The following NAALADL2 variants were observed in gnomAD, a reference collection of about 807,000 sequenced individuals.
NAALADL2 encodes the protein N-acetylated alpha-linked acidic dipeptidase like 2.
NAALADL2 carries 76 observed loss-of-function variants against 87.2 expected under a neutral mutation model. The observed-to-expected ratio is 0.87, with a 90% CI of 0.72 to 1.05. The LOEUF (loss-of-function observed/expected upper bound fraction) is 1.05. Among genes scored for constraint, NAALADL2 ranks in the 50% least tolerant of loss-of-function variants. NAALADL2 has a pLI of 0.00. For missense variants in NAALADL2, 1,089 were observed against 945.8 expected (o/e 1.15, Z -1.99); for synonymous variants, 354 against 331.0 (o/e 1.07, Z -0.75).
intron 2 of NAALADL2, among the ~76,000 whole-genome samples, chr3:174,600,092 A>C (rs190220789): frequency 3.3e-3 from 500 of 152,216 alleles, no homozygotes; most frequent in African/African-American, 0.012. Context: ...TTCAAAAAAA[A>C]CTAATCCTTT....
intron 2 of NAALADL2, among the ~76,000 whole-genome samples, chr3:174,687,534 C>A (rs1728162026): frequency 6.6e-6 from 1 of 151,980 alleles, no homozygotes; most frequent in African/African-American, 2.4e-5. Flanking sequence ...ATTAGCTAGC[C>A]AAACACAGTG....
At chr3:174,645,963 T>C (rs931885173) in intron 2 of NAALADL2, among the ~76,000 whole-genome samples, 2 of 152,202 alleles carry the variant, frequency 1.3e-5, no homozygotes, top group Non-Finnish European at 2.9e-5. Flanking sequence ...AGACAGTGGA[T>C]GACAGGTAAC....
At chr3:174,855,887 AAT>A (rs147567612), upstream of NAALADL2, among the ~76,000 whole-genome samples, 12,859 of 140,094 alleles carry the variant, frequency 0.092, 735 homozygotes, top group Middle Eastern at 0.12. Context: ...CATACATATG[AAT>A]ATATATACAC....
At chr3:174,492,303 G>A (rs1718251767) in intron 1 of NAALADL2, among the ~76,000 whole-genome samples, 1 of 151,694 alleles carries the variant, frequency 6.6e-6, no homozygotes, top group Admixed American at 6.6e-5. Context: ...AAAACAAATT[G>A]ATTAGTTCAG....
chr3:174,527,260 C>T (rs1199273916), intron 1 of NAALADL2, among the ~76,000 whole-genome samples: 1 of 152,036 alleles, frequency 6.6e-6, no homozygotes, highest in African/African-American at 2.4e-5. Flanking sequence ...GTGGGTCAGG[C>T]CTGCAATCCC....
intron 3 of NAALADL2, among the ~76,000 whole-genome samples, chr3:174,796,235 A>G (rs1718067629): frequency 6.6e-6 from 1 of 152,232 alleles, no homozygotes; most frequent in African/African-American, 2.4e-5. Context: ...ATATTTAAGA[A>G]AATAACTCTA....
At chr3:175,396,775 G>A (rs927750779) in intron 5 of NAALADL2, among the ~76,000 whole-genome samples, 1 of 152,068 alleles carries the variant, frequency 6.6e-6, no homozygotes, top group African/African-American at 2.4e-5. Flanking sequence ...GTCCTCACAA[G>A]ATCTAATGGT....
intron 4 of NAALADL2, among the ~76,000 whole-genome samples, chr3:175,298,881 T>C (rs886913171): frequency 2.6e-5 from 4 of 152,188 alleles, no homozygotes; most frequent in African/African-American, 9.6e-5. Flanking sequence ...TATCCTTTGG[T>C]TAAATCTTTC....
Position 174,881,624 on chromosome 3 carries a change from GTTTGTC to G in NAALADL2, c.43+22182_43+22187del, listed in dbSNP as rs1258451048. On this transcript the variant is annotated intron_variant, in intron 1 of 13. Coordinates refer to ENST00000454872, the MANE Select transcript of NAALADL2 (RefSeq NM_207015.3). ...CTTGTTTATTATGCTTGTTTTTATT[GTTTGTC>G]TTTGTCTATCCAACTTGTACTCCAT... Among the ~76,000 whole-genome samples, 8 of 151,996 alleles carry G rather than the reference GTTTGTC, an allele frequency of 5.3e-5. No individual in the cohort carries two copies. In the East Asian group the frequency reaches 5.8e-4, roughly 11 times the overall value.
At chr3:174,751,768 T>A (rs796489586) in intron 3 of NAALADL2, among the ~76,000 whole-genome samples, 3 of 152,314 alleles carry the variant, frequency 2.0e-5, no homozygotes, top group African/African-American at 7.2e-5. Flanking sequence ...AACTTTCATG[T>A]ACGCTTACAT....
chr3:175,549,545 A>G (rs1713992381), intron 9 of NAALADL2, among the ~76,000 whole-genome samples: 1 of 151,960 alleles, frequency 6.6e-6, no homozygotes, highest in Non-Finnish European at 1.5e-5. Flanking sequence ...ATAAGAGATG[A>G]CAATACAGCT....
intron 1 of NAALADL2, among the ~76,000 whole-genome samples, chr3:174,956,073 T>C (rs754359578): frequency 1.3e-5 from 2 of 152,032 alleles, no homozygotes; most frequent in African/African-American, 2.4e-5. Context: ...ACAAAAACAC[T>C]AGGTTGTTAA....
At chr3:175,023,568 G>A (rs1262447229) in intron 1 of NAALADL2, among the ~76,000 whole-genome samples, 2 of 151,782 alleles carry the variant, frequency 1.3e-5, no homozygotes, top group Non-Finnish European at 2.9e-5. Flanking sequence ...TGGTTTCGAG[G>A]GGCTATGAAA....
In NAALADL2 at chr3:175,737,983, C is replaced by T. The variant is rs572009217; in HGVS notation, c.1990+584C>T. Among the ~76,000 whole-genome samples the T allele has an allele frequency of 3.3e-5, 5 of 152,074 alleles. No individual in the cohort carries two copies. In the East Asian group the frequency reaches 9.7e-4, roughly 29 times the overall value. On this transcript the variant is annotated intron_variant, in intron 12 of 13. Transcript: ENST00000454872. Reference sequence around the variant, plus strand: ...CCCACCCTAATAATTACCTTCATTTCCCCTTCATCTACATACAAATCTTTC... The same window carrying T: ...CCCACCCTAATAATTACCTTCATTTTCCCTTCATCTACATACAAATCTTTC...
intron 1 of NAALADL2, among the ~76,000 whole-genome samples, chr3:174,493,023 T>G (rs1169524817): frequency 1.3e-5 from 2 of 152,318 alleles, no homozygotes; most frequent in South Asian, 2.1e-4. Context: ...TCTTATACAG[T>G]GTTTTATAGG....
chr3:174,851,805 G>T (rs1725294759), intron 3 of NAALADL2, among the ~76,000 whole-genome samples: 1 of 152,072 alleles, frequency 6.6e-6, no homozygotes, highest in African/African-American at 2.4e-5. Context: ...TATTTCTGAT[G>T]ATCATAGATT....
At chr3:174,458,253 T>G (rs1715983357) in intron 1 of NAALADL2, among the ~76,000 whole-genome samples, 1 of 152,176 alleles carries the variant, frequency 6.6e-6, no homozygotes. Context: ...TTACATTGAG[T>G]GTCTCTGGAG....
chr3:175,749,255 G>C (rs1219503108), intron 12 of NAALADL2, among the ~76,000 whole-genome samples: 1 of 148,856 alleles, frequency 6.7e-6, no homozygotes, highest in East Asian at 2.0e-4. Flanking sequence ...ATGATGGGGA[G>C]AGAAGGGAAG....
intron 2 of NAALADL2, among the ~76,000 whole-genome samples, chr3:174,713,051 G>A (rs1377186636): frequency 1.3e-5 from 2 of 152,032 alleles, no homozygotes; most frequent in Non-Finnish European, 2.9e-5. Flanking sequence ...AGAACATGCG[G>A]TGTTTGGTTT....
Sources: gnomAD v4.1 joint callset for allele counts (sites outside exome capture counted in the v4.1 genomes callset) on GRCh38, gnomAD v4.1.1 for gene constraint, MANE v1.5 for transcripts, NCBI Gene and HGNC (gene_info 2026-07-23, HGNC 2026-07-21) for gene names.